The following AP1S3 variants were observed in gnomAD, a reference collection of about 807,000 sequenced individuals.
AP1S3 encodes the protein AP-1 complex subunit sigma-3.
Under a neutral mutation model 20.9 loss-of-function variants are expected in AP1S3, and 10 were observed. The ratio of observed to expected loss-of-function variants is 0.48; its 90% CI spans 0.29 to 0.81. The LOEUF is 0.81. Among genes scored for constraint, AP1S3 ranks in the 30% least tolerant of loss-of-function variants. The probability of loss-of-function intolerance (pLI) is 0.08; values close to 1 mark genes in which losing one functional copy is unlikely to be tolerated. For missense variants in AP1S3, 154 were observed against 183.8 expected (o/e 0.84, Z 0.94); for synonymous variants, 41 against 61.5 (o/e 0.67, Z 1.56).
Position 223,756,536 on chromosome 2 carries a change from A to G in AP1S3, c.*2179T>C. On this transcript the variant is annotated 3_prime_UTR_variant, in exon 5 of 5. Coordinates refer to ENST00000396654, the MANE Select transcript of AP1S3 (RefSeq NM_001039569.2). ...TTAAAAAGTTAAACCACAAAACTGA[A>G]GGTTAGCTAAAGTAAACACAGTGGT... 2 of 985,402 alleles carry G rather than the reference A, an allele frequency of 2.0e-6. No individual in the cohort carries two copies. The highest frequency in any genetic ancestry group is 2.4e-6 in the Non-Finnish European group (2 of 829,904). 61.0% of individuals were successfully genotyped at this position (985,402 alleles called of 1,614,324 possible). A position where few individuals can be genotyped will look rare whatever the true frequency, so the allele number is the denominator to read the frequency against.
intron 1 of AP1S3, among the ~76,000 whole-genome samples, chr2:223,820,008 T>C (rs1354316918): frequency 6.6e-6 from 1 of 152,190 alleles, no homozygotes; most frequent in Non-Finnish European, 1.5e-5. Flanking sequence ...AAATGATTTA[T>C]GTGTAAAAGA....
intron 2 of AP1S3, among the ~76,000 whole-genome samples, chr2:223,776,529 T>C (rs530795382): frequency 1.3e-5 from 2 of 152,330 alleles, no homozygotes; most frequent in African/African-American, 4.8e-5. Context: ...CTGTGAAGGT[T>C]GCCTCTGTTT....
At chr2:223,830,054 G>C (rs1470416884) in intron 1 of AP1S3, among the ~76,000 whole-genome samples, 1 of 152,146 alleles carries the variant, frequency 6.6e-6, no homozygotes, top group African/African-American at 2.4e-5. Context: ...AACTGTAACA[G>C]CAGGAAAGGC....
intron 4 of AP1S3, among the ~76,000 whole-genome samples, chr2:223,762,132 C>T (rs1690369285): frequency 6.6e-6 from 1 of 151,728 alleles, no homozygotes; most frequent in Admixed American, 6.6e-5. Context: ...ACCACTGCAC[C>T]TGGCTAATTT....
At chr2:223,816,901 G>A (rs2106122472) in intron 1 of AP1S3, among the ~76,000 whole-genome samples, 1 of 152,276 alleles carries the variant, frequency 6.6e-6, no homozygotes, top group Non-Finnish European at 1.5e-5. Context: ...GCCAAGGCGA[G>A]TGGATCACCT....
At chr2:223,793,049 CCATT>C (rs140918126) in intron 1 of AP1S3, among the ~76,000 whole-genome samples, 14,697 of 152,018 alleles carry the variant, frequency 0.097, 953 homozygotes, top group East Asian at 0.25. Flanking sequence ...GTCAGAATGG[CCATT>C]ATTAAAAGTA....
At position 223,760,520 on chromosome 2, in the gene AP1S3, C is replaced by T. The variant is rs73083360; in HGVS notation, c.430-1770G>A. On this transcript the variant is annotated intron_variant, in intron 4 of 4. Transcript: ENST00000396654. ...CACATTTACTCAACAAAGCTCTCAC[C>T]TCCTAAGTGGGCATTGGCCAAGACA... Among the ~76,000 whole-genome samples the T allele has an allele frequency of 6.5e-3, 997 of 152,272 alleles. 15 individuals carry two copies. The highest frequency in any genetic ancestry group is 0.023 in the African/African-American group (936 of 41,548).
intron 1 of AP1S3, among the ~76,000 whole-genome samples, chr2:223,810,076 C>T (rs144912249): frequency 1.3e-5 from 2 of 152,142 alleles, no homozygotes; most frequent in African/African-American, 2.4e-5. Context: ...AATATGAGCT[C>T]CATGGGGCAA....
intron 4 of AP1S3, among the ~76,000 whole-genome samples, chr2:223,764,371 C>T (rs1690429543): frequency 6.6e-6 from 1 of 152,104 alleles, no homozygotes; most frequent in Non-Finnish European, 1.5e-5. Flanking sequence ...CAGAGCATCT[C>T]ATTTGGGAGG....
intron 1 of AP1S3, among the ~76,000 whole-genome samples, chr2:223,797,598 C>A (rs1288086015): frequency 6.6e-6 from 1 of 151,920 alleles, no homozygotes; most frequent in Admixed American, 6.6e-5. Flanking sequence ...CCCGTTTCTA[C>A]TAAAAATACA....
chr2:223,825,309 T>C (rs1340891209), intron 1 of AP1S3, among the ~76,000 whole-genome samples: 2 of 97,306 alleles, frequency 2.1e-5, no homozygotes, highest in African/African-American at 7.5e-5. Flanking sequence ...GGAGACTCCG[T>C]CTCAAAAAAA....
intron 1 of AP1S3, among the ~76,000 whole-genome samples, chr2:223,788,257 A>G (rs1418371556): frequency 6.7e-6 from 1 of 150,330 alleles, no homozygotes; most frequent in East Asian, 2.1e-4. Context: ...GGACTGCCAC[A>G]GTTCTTATAT....
In AP1S3 at chr2:223,762,935, A is replaced by G. The variant is rs577185165; in HGVS notation, c.429+2278T>C. On this transcript the variant is annotated intron_variant, in intron 4 of 4. Coordinates refer to ENST00000396654, the MANE Select transcript of AP1S3 (RefSeq NM_001039569.2). Reference sequence around the variant, plus strand: ...TATATGATTGGGTCCAAAGGACAGGAAAAAAAAAAAAGCAGTAATTATTTT... The same window carrying G: ...TATATGATTGGGTCCAAAGGACAGGGAAAAAAAAAAAGCAGTAATTATTTT... 9.4e-5 allele frequency among the ~76,000 whole-genome samples: 13 copies of G among 138,932 alleles called. No individual in the cohort carries two copies. In the East Asian group the frequency reaches 1.7e-3, roughly 19 times the overall value. The allele number at this position is 138,932 out of a possible 152,430, so 91.1% of individuals were successfully genotyped here.
chr2:223,823,491 A>G (rs1025849986), intron 1 of AP1S3, among the ~76,000 whole-genome samples: 14 of 152,242 alleles, frequency 9.2e-5, no homozygotes, highest in Non-Finnish European at 1.9e-4. Flanking sequence ...CAAGCACAGA[A>G]AAAGTACCAT....
rs111500027 is a variant in AP1S3, at chr2:223,807,429, T to C, written c.4-29560A>G. On this transcript the variant is annotated intron_variant, in intron 1 of 4. Transcript: ENST00000396654. Reference sequence around the variant, plus strand: ...CAATAAAATAGGGCTTTGTTGATACTGGGTTTGGGTTGAGAAAGAGCCCAG... The same window carrying C: ...CAATAAAATAGGGCTTTGTTGATACCGGGTTTGGGTTGAGAAAGAGCCCAG... 5.1e-3 allele frequency among the ~76,000 whole-genome samples: 776 copies of C among 152,320 alleles called. 7 individuals are homozygous for C. Among genetic ancestry groups the C allele is most frequent in the African/African-American group, 0.018 (731 of 41,574 alleles).
chr2:223,795,216 T>C (rs1691307756), intron 1 of AP1S3, among the ~76,000 whole-genome samples: 1 of 152,078 alleles, frequency 6.6e-6, no homozygotes, highest in Admixed American at 6.6e-5. Context: ...GGCACTGCAC[T>C]CCAGCCTGGG....
intron 4 of AP1S3, among the ~76,000 whole-genome samples, chr2:223,762,764 G>C (rs145053325): frequency 1.7e-4 from 26 of 152,226 alleles, no homozygotes; most frequent in African/African-American, 6.3e-4. Context: ...CCGCAGGCAG[G>C]TGTAGCTTTT....
chr2:223,803,241 T>C (rs970696958), intron 1 of AP1S3, among the ~76,000 whole-genome samples: 1 of 152,236 alleles, frequency 6.6e-6, no homozygotes, highest in African/African-American at 2.4e-5. Flanking sequence ...TTCTTATAAA[T>C]TCACTCTTTC....
intron 1 of AP1S3, among the ~76,000 whole-genome samples, chr2:223,802,493 C>A (rs1419975758): frequency 1.3e-5 from 2 of 151,800 alleles, no homozygotes; most frequent in African/African-American, 4.8e-5. Context: ...TTAGTAGAGG[C>A]AGGGTTTCAC....
Sources: gnomAD v4.1 joint callset for allele counts (sites outside exome capture counted in the v4.1 genomes callset) on GRCh38, gnomAD v4.1.1 for gene constraint, MANE v1.5 for transcripts, NCBI Gene and HGNC (gene_info 2026-07-23, HGNC 2026-07-21) for gene names.